CD276: variants seen among roughly 807,000 people sequenced by gnomAD.
CD276 encodes CD276 antigen.
A neutral mutation model predicts 50.0 loss-of-function variants in CD276; 34 were observed. The ratio of observed to expected loss-of-function variants is 0.68; its 90% CI spans 0.52 to 0.91. The LOEUF is 0.91. CD276 is among the 40% of genes least tolerant of loss of function. CD276 has a pLI of 0.00. For synonymous variants in CD276, 275 were observed against 313.0 expected (o/e 0.88, Z 1.28); for missense variants, 634 against 717.5 (o/e 0.88, Z 1.33).
chr15:73,701,968 G>A (rs1302607127), intron 2 of CD276, among the ~76,000 whole-genome samples: 2 of 152,216 alleles, frequency 1.3e-5, no homozygotes, highest in Admixed American at 1.3e-4. Context: ...ACATGCTGAC[G>A]AGAATCTGTG....
chr15:73,691,186 C>A (rs1406284794), intron 1 of CD276, among the ~76,000 whole-genome samples: 4 of 150,972 alleles, frequency 2.6e-5, no homozygotes, highest in African/African-American at 9.8e-5. Flanking sequence ...TTTGAGGAGT[C>A]CTTCAGTTAC....
Position 73,713,854 on chromosome 15 carries a change from G to A in CD276, c.*898G>A, listed in dbSNP as rs555496186. On this transcript the variant is annotated 3_prime_UTR_variant, in exon 10 of 10. Transcript: ENST00000318443. ...TGTATCCATTCAGTTGATGTTTATT[G>A]AGCAACTACAGATGTCAGCACTGTG... 4 of 438,826 alleles carry A rather than the reference G, an allele frequency of 9.1e-6. No homozygotes were observed. The highest frequency in any genetic ancestry group is 1.8e-5 in the Non-Finnish European group (4 of 220,208). 27.2% of individuals were successfully genotyped at this position (438,826 alleles called of 1,614,324 possible).
chr15:73,709,174 A>G (rs1900778881), intron 7 of CD276, among the ~76,000 whole-genome samples: 1 of 149,602 alleles, frequency 6.7e-6, no homozygotes, highest in Admixed American at 6.6e-5. Flanking sequence ...TTGGAGGTTG[A>G]TGGTTGGCAG....
intron 9 of CD276, 101 bp downstream of exon 9, chr15:73,711,271 G>C: frequency 7.8e-7 from 1 of 1,280,694 alleles, no homozygotes; most frequent in South Asian, 1.2e-5. Flanking sequence ...AGTGACCTGA[G>C]GCCCCCTCTG....
In CD276 at chr15:73,702,612, A is replaced by G. The variant is rs1596013623; in HGVS notation, c.418+19A>G. ...GTGGCCGGTGAGCACCAGGAGGGGGACGCCTTCCCCTTAGTTCACCCTCCA... is the reference window on the plus strand; with the variant it reads ...GTGGCCGGTGAGCACCAGGAGGGGGGCGCCTTCCCCTTAGTTCACCCTCCA... On this transcript the variant is annotated intron_variant, in intron 3 of 9. Transcript: ENST00000318443. 1 of 1,595,048 alleles carries G rather than the reference A, an allele frequency of 6.3e-7. No homozygotes were observed. The highest frequency in any genetic ancestry group is 2.2e-5 in the East Asian group (1 of 44,620).
intron 6 of CD276, among the ~76,000 whole-genome samples, chr15:73,707,539 C>T (rs752546379): frequency 3.3e-5 from 5 of 152,298 alleles, no homozygotes; most frequent in Middle Eastern, 3.4e-3. Context: ...ACTCCAGCCC[C>T]GTCAGTGACC....
At chr15:73,706,692 CT>C in intron 6 of CD276, among the ~76,000 whole-genome samples, 2 of 152,362 alleles carry the variant, frequency 1.3e-5, no homozygotes, top group South Asian at 2.1e-4. Flanking sequence ...GGGATTCAGA[CT>C]TTCAGTCCTC....
intron 1 of CD276, among the ~76,000 whole-genome samples, chr15:73,698,692 C>G (rs904586521): frequency 6.6e-6 from 1 of 152,216 alleles, no homozygotes; most frequent in Non-Finnish European, 1.5e-5. Flanking sequence ...TCCCAAGTAG[C>G]TGGGATTACA....
chr15:73,709,827 C>A, intron 8 of CD276, 138 bp downstream of exon 8: 3 of 771,290 alleles, frequency 3.9e-6, no homozygotes, highest in Non-Finnish European at 4.1e-6. Context: ...GACCTCCCCA[C>A]CCCGGTGAGT....
At chr15:73,706,076 C>T (rs1474792827) in intron 6 of CD276, among the ~76,000 whole-genome samples, 1 of 152,036 alleles carries the variant, frequency 6.6e-6, no homozygotes, top group Non-Finnish European at 1.5e-5. Context: ...ATGGTGAAAC[C>T]CTGTCTCTAC....
chr15:73,713,168 A>G lies in CD276; in HGVS notation c.*212A>G, dbSNP rs750765092. The G allele has an allele frequency of 5.5e-6, 3 of 542,310 alleles. No individual in the cohort carries two copies. The highest frequency in any genetic ancestry group is 9.7e-6 in the Non-Finnish European group (3 of 308,238). The allele number at this position is 542,310 out of a possible 1,614,324, so 33.6% of individuals were successfully genotyped here. A position where few individuals can be genotyped will look rare whatever the true frequency, so the allele number is the denominator to read the frequency against. On this transcript the variant is annotated 3_prime_UTR_variant, in exon 10 of 10. Transcript: ENST00000318443. ...TCCTGCTGCCTTTTTTCTTATAGAC[A>G]CAATGAACAGACCACCCACAACCTT...
At chr15:73,708,630 C>T (rs748470997) in intron 7 of CD276, 157 bp downstream of exon 7, 78 of 809,224 alleles carry the variant, frequency 9.6e-5, no homozygotes, top group Middle Eastern at 5.8e-4. Flanking sequence ...CTTGAGTCTA[C>T]GTCTTGTGTG....
intron 1 of CD276, among the ~76,000 whole-genome samples, chr15:73,696,313 G>A (rs1358564269): frequency 6.6e-6 from 1 of 152,106 alleles, no homozygotes; most frequent in East Asian, 1.9e-4. Context: ...AGGCCTGCGT[G>A]GCTCCACGTG....
At chr15:73,706,041 G>A (rs1326291747) in intron 6 of CD276, among the ~76,000 whole-genome samples, 1 of 152,208 alleles carries the variant, frequency 6.6e-6, no homozygotes, top group Non-Finnish European at 1.5e-5. Context: ...CTTGAGGTCA[G>A]GAGTTCGAGA....
At chr15:73,689,188 C>CTCTGTGTG (rs1555417295) in intron 1 of CD276, among the ~76,000 whole-genome samples, 1 of 142,626 alleles carries the variant, frequency 7.0e-6, no homozygotes, top group African/African-American at 2.6e-5. Context: ...TCTGTGCCTC[C>CTCTGTGTG]TGTGTGTGTG....
At chr15:73,701,511 G>A (rs1900387070) in intron 2 of CD276, among the ~76,000 whole-genome samples, 1 of 152,180 alleles carries the variant, frequency 6.6e-6, no homozygotes, top group South Asian at 2.1e-4. Flanking sequence ...AGATGTGTCT[G>A]CCACACTGGA....
At chr15:73,685,453 TTGTG>T (rs55859831) in intron 1 of CD276, among the ~76,000 whole-genome samples, 4,603 of 131,804 alleles carry the variant, frequency 0.035, 96 homozygotes, top group Admixed American at 0.08. Flanking sequence ...CAAAAAAGAT[TTGTG>T]TGTGTGTGTG....
chr15:73,707,836 A>G (rs1900707190), intron 6 of CD276, among the ~76,000 whole-genome samples: 1 of 152,234 alleles, frequency 6.6e-6, no homozygotes, highest in East Asian at 1.9e-4. Flanking sequence ...AAGCAGTCAA[A>G]AGAGGGCCTC....
At chr15:73,693,819 T>C (rs546234913) in intron 1 of CD276, among the ~76,000 whole-genome samples, 38 of 145,512 alleles carry the variant, frequency 2.6e-4, no homozygotes, top group African/African-American at 9.0e-4. Context: ...CGATGAACGC[T>C]GTCCAAAAGC....
Sources: gnomAD v4.1 joint callset for allele counts (sites outside exome capture counted in the v4.1 genomes callset) on GRCh38, gnomAD v4.1.1 for gene constraint, MANE v1.5 for transcripts, NCBI Gene and HGNC (gene_info 2026-07-23, HGNC 2026-07-21) for gene names.